SPATA45: variants seen among roughly 807,000 people sequenced by gnomAD.
The protein encoded by SPATA45 is spermatogenesis-associated protein 45.
In SPATA45, 5 loss-of-function variants were observed where a neutral mutation model predicts 7.0. That is an observed-to-expected ratio of 0.71 (90% confidence interval 0.37 to 1.50). The LOEUF (loss-of-function observed/expected upper bound fraction) is 1.50, where lower values mean the gene tolerates loss of function less well. Among genes scored for constraint, SPATA45 ranks in the 40% most tolerant of loss-of-function variants. The pLI, the probability that SPATA45 is intolerant of heterozygous loss-of-function variation, is 0.03. For missense variants in SPATA45, 111 were observed against 114.9 expected, an observed-to-expected ratio of 0.97 and a Z score of 0.16; for synonymous variants, 40 against 38.7, an observed-to-expected ratio of 1.03 and a Z score of -0.13.
Position 212,839,953 on chromosome 1 carries a change from T to C in SPATA45, c.-38-3766A>G, listed in dbSNP as rs570011966. Among the ~76,000 whole-genome samples, 105 of 151,836 alleles carry C rather than the reference T, an allele frequency of 6.9e-4. 3 individuals are homozygous for C. Among genetic ancestry groups the C allele is most frequent in the South Asian group, 2.3e-3 (11 of 4,774 alleles). On this transcript the variant is annotated intron_variant, in intron 1 of 2. Transcript: ENST00000332912. The stretch of plus-strand genomic sequence containing the variant: ...GGTGGTTGATAAATATTTTAATGAA[T>C]GAATAAATAGTATATATTACTTACA...
intron 1 of SPATA45, among the ~76,000 whole-genome samples, chr1:212,838,666 TTTG>T (rs754603034): frequency 4.0e-5 from 6 of 151,420 alleles, no homozygotes; most frequent in East Asian, 1.9e-4. Flanking sequence ...TTAAAAAACT[TTTG>T]TTGTTGTTGT....
intron 1 of SPATA45, among the ~76,000 whole-genome samples, chr1:212,845,171 C>T (rs1382074686): frequency 6.6e-6 from 1 of 152,176 alleles, no homozygotes; most frequent in Non-Finnish European, 1.5e-5. Context: ...TCTCTTAGAA[C>T]CTCTCATTTC....
chr1:212,844,985 C>G (rs1379971746), intron 1 of SPATA45, among the ~76,000 whole-genome samples: 1 of 152,142 alleles, frequency 6.6e-6, no homozygotes, highest in Non-Finnish European at 1.5e-5. Context: ...AGTTTTTCTC[C>G]TTCTCATTGG....
In SPATA45 at chr1:212,839,103, T is replaced by C. The variant is rs1433753531; in HGVS notation, c.-38-2916A>G. 2.8e-5 allele frequency among the ~76,000 whole-genome samples: 4 copies of C among 144,098 alleles called. No homozygotes were observed. In the Admixed American group the frequency reaches 2.8e-4, roughly 10 times the overall value. 94.5% of individuals were successfully genotyped at this position (144,098 alleles called of 152,430 possible). A position where few individuals can be genotyped will look rare whatever the true frequency, so the allele number is the denominator to read the frequency against. On this transcript the variant is annotated intron_variant, in intron 1 of 2. Coordinates refer to ENST00000332912, the MANE Select transcript of SPATA45 (RefSeq NM_001024601.3). ...TGTGGTATATGTGCACAATTGACAC[T>C]GAGTTATAAAATATATTTATATATA... is the stretch of plus-strand genomic sequence containing the variant.
At chr1:212,846,175 C>T (rs1663790202) in intron 1 of SPATA45, among the ~76,000 whole-genome samples, 1 of 152,174 alleles carries the variant, frequency 6.6e-6, no homozygotes, top group South Asian at 2.1e-4. Context: ...CCCCTTCTAA[C>T]AAGCCCATAA....
chr1:212,831,114 T>C (rs935573853), intron 2 of SPATA45, among the ~76,000 whole-genome samples: 10 of 149,548 alleles, frequency 6.7e-5, no homozygotes, highest in African/African-American at 2.4e-4. Context: ...CACTACAGCC[T>C]GTGACAAAGT....
At chr1:212,833,586 G>A (rs1663528421) in intron 2 of SPATA45, among the ~76,000 whole-genome samples, 1 of 151,482 alleles carries the variant, frequency 6.6e-6, no homozygotes, top group African/African-American at 2.4e-5. Context: ...TTGAACCTGG[G>A]GGCAGAGGTT....
chr1:212,841,662 G>A (rs1194775966), intron 1 of SPATA45, among the ~76,000 whole-genome samples: 1 of 135,300 alleles, frequency 7.4e-6, no homozygotes, highest in Non-Finnish European at 1.6e-5. Flanking sequence ...CTTTTAAGAA[G>A]GAGTCTCGCT....
At chr1:212,843,607 C>T (rs1663733790) in intron 1 of SPATA45, among the ~76,000 whole-genome samples, 2 of 152,206 alleles carry the variant, frequency 1.3e-5, no homozygotes, top group South Asian at 4.1e-4. Flanking sequence ...TGGAGACGTT[C>T]AAGGTAATGA....
intron 1 of SPATA45, among the ~76,000 whole-genome samples, chr1:212,838,438 T>C (rs1467591160): frequency 3.3e-5 from 5 of 151,634 alleles, no homozygotes. Flanking sequence ...TTAGCAAAGA[T>C]ATGGAGGACC....
At chr1:212,843,498 A>G (rs190848290) in intron 1 of SPATA45, among the ~76,000 whole-genome samples, 40 of 152,262 alleles carry the variant, frequency 2.6e-4, no homozygotes, top group African/African-American at 9.4e-4. Context: ...TTTTCTCCCC[A>G]GTTTCTAATC....
chr1:212,835,474 G>A (rs1663570268), intron 2 of SPATA45, among the ~76,000 whole-genome samples: 1 of 151,580 alleles, frequency 6.6e-6, no homozygotes. Context: ...TGTAAGCTGA[G>A]ATCGTGCCAT....
chr1:212,845,891 A>G (rs114204851), intron 1 of SPATA45, among the ~76,000 whole-genome samples: 7 of 152,184 alleles, frequency 4.6e-5, no homozygotes, highest in East Asian at 1.9e-4. Flanking sequence ...ATTTTTAAAC[A>G]AACAGTGTTT....
intron 1 of SPATA45, among the ~76,000 whole-genome samples, chr1:212,843,100 TACACACACACACACAC>T (rs367648433): frequency 5.7e-5 from 7 of 121,930 alleles, no homozygotes; most frequent in East Asian, 2.4e-4. Flanking sequence ...CCGTCAAACA[TACACACACACACACAC>T]ACACACACAC....
chr1:212,832,931 T>C (rs2102507538), intron 2 of SPATA45, among the ~76,000 whole-genome samples: 1 of 151,660 alleles, frequency 6.6e-6, no homozygotes, highest in Non-Finnish European at 1.5e-5. Flanking sequence ...TGCCAGACAC[T>C]GTTCTAGGGA....
At chr1:212,845,503 T>C (rs188128995) in intron 1 of SPATA45, among the ~76,000 whole-genome samples, 10 of 152,342 alleles carry the variant, frequency 6.6e-5, no homozygotes, top group African/African-American at 9.6e-5. Flanking sequence ...TACAGTCTGA[T>C]AATGGACCGG....
chr1:212,834,256 T>C (rs1456636871), intron 2 of SPATA45, among the ~76,000 whole-genome samples: 1 of 151,726 alleles, frequency 6.6e-6, no homozygotes, highest in Non-Finnish European at 1.5e-5. Flanking sequence ...TAATAATTTG[T>C]TGGTTGTATT....
chr1:212,838,669 G>T (rs1230611873), intron 1 of SPATA45, among the ~76,000 whole-genome samples: 1 of 151,338 alleles, frequency 6.6e-6, no homozygotes, highest in Non-Finnish European at 1.5e-5. Flanking sequence ...AAAAACTTTT[G>T]TTGTTGTTGT....
chr1:212,838,320 T>C, intron 1 of SPATA45, among the ~76,000 whole-genome samples: 1 of 130,040 alleles, frequency 7.7e-6, no homozygotes, highest in East Asian at 2.4e-4. Context: ...AAAAAAAAAA[T>C]ACATTCGTCA....
Sources: allele counts gnomAD v4.1 joint callset (sites outside exome capture counted in the v4.1 genomes callset), GRCh38; gene constraint gnomAD v4.1.1; transcripts MANE v1.5; gene names NCBI Gene and HGNC (gene_info 2026-07-23, HGNC 2026-07-21).